LGR5: variants seen among roughly 807,000 people sequenced by gnomAD.
The protein encoded by LGR5 is leucine rich repeat containing G protein-coupled receptor 5, also known as leucine-rich repeat-containing G protein-coupled receptor 5.
Under a neutral mutation model 76.7 loss-of-function variants are expected in LGR5, and 54 were observed. The observed-to-expected ratio is 0.70, with a 90% CI of 0.57 to 0.88. LGR5 has a LOEUF of 0.88. Ranked by LOEUF, LGR5 falls within the 40% of genes least tolerant of loss-of-function variation. The pLI, the probability that LGR5 is intolerant of heterozygous loss-of-function variation, is 0.00. For synonymous variants in LGR5, 406 were observed against 421.9 expected (o/e 0.96, Z 0.46); for missense variants, 1,078 against 1,073.3 (o/e 1.00, Z -0.06).
intron 2 of LGR5, among the ~76,000 whole-genome samples, chr12:71,512,776 T>C (rs763103987): frequency 6.6e-6 from 1 of 152,204 alleles, no homozygotes; most frequent in Non-Finnish European, 1.5e-5. Context: ...GGCAAGAGGA[T>C]GCCCAGTTCT....
intron 5 of LGR5, among the ~76,000 whole-genome samples, chr12:71,553,951 C>G (rs950215596): frequency 6.6e-6 from 1 of 152,030 alleles, no homozygotes; most frequent in African/African-American, 2.4e-5. Flanking sequence ...ATTAGCTGGG[C>G]GTAGTGGCAC....
rs142194515 is a variant in LGR5 at position 71,531,161 on chromosome 12, A to G, written c.357-3954A>G. Among the ~76,000 whole-genome samples, 688 of 152,318 alleles carry G rather than the reference A, an allele frequency of 4.5e-3. 6 individuals carry two copies. Among genetic ancestry groups the G allele is most frequent in the African/African-American group, 0.016 (649 of 41,568 alleles). Reference sequence around the variant, plus strand: ...GAAAGTATTCCATTTGCTTTTCCTAATCATATGTGAATGATAAAAATGAAG... The same window carrying G: ...GAAAGTATTCCATTTGCTTTTCCTAGTCATATGTGAATGATAAAAATGAAG... On this transcript the variant is annotated intron_variant, in intron 3 of 17. Transcript: ENST00000266674.
intron 4 of LGR5, among the ~76,000 whole-genome samples, chr12:71,544,016 A>G (rs1053879933): frequency 7.2e-5 from 11 of 152,354 alleles, no homozygotes; most frequent in Non-Finnish European, 1.3e-4. Flanking sequence ...TCCTTGCTAC[A>G]GTATTCACAG....
chr12:71,440,143 G>T lies in LGR5; in HGVS notation c.63G>T (p.Gly21=). 1 of 1,610,028 alleles carries T rather than the reference G, an allele frequency of 6.2e-7. No individual in the cohort carries two copies. Among genetic ancestry groups the T allele is most frequent in the Non-Finnish European group, 8.5e-7 (1 of 1,179,782 alleles). ...CTGTGCTGCTGCAGCTGGCGACCGG[G>T]GGCAGCTCTCCCAGGTCTGGTGTGT... The part of the protein sequence containing the change: ...SLPVLLQLAT[G]GSSPRSGVLL... Residue 21 remains glycine, a synonymous_variant, in exon 1 of 18, where the codon GGG becomes GGT. Transcript: ENST00000266674. The surrounding 1 kb of genome is among the most constrained non-coding windows in gnomAD (Gnocchi z 5.3).
intron 1 of LGR5, among the ~76,000 whole-genome samples, chr12:71,474,866 G>A (rs1592471015): frequency 6.6e-6 from 1 of 152,216 alleles, no homozygotes; most frequent in Admixed American, 6.5e-5. Context: ...TCATAGCATA[G>A]AGTTACTTTA....
At chr12:71,460,657 C>T (rs1376332827) in intron 1 of LGR5, among the ~76,000 whole-genome samples, 6 of 152,134 alleles carry the variant, frequency 3.9e-5, no homozygotes, top group Admixed American at 1.3e-4. Context: ...AACCCACAGA[C>T]ATTACGTGTC....
intron 1 of LGR5, among the ~76,000 whole-genome samples, chr12:71,502,657 A>G (rs541364347): frequency 4.6e-5 from 7 of 152,184 alleles, no homozygotes; most frequent in Non-Finnish European, 8.8e-5. Flanking sequence ...GCTAATAAAT[A>G]GGAAAGTCTA....
At chr12:71,568,618 C>A (rs1685244974) in intron 11 of LGR5, among the ~76,000 whole-genome samples, 1 of 152,182 alleles carries the variant, frequency 6.6e-6, no homozygotes, top group African/African-American at 2.4e-5. Flanking sequence ...CCCAATGACC[C>A]TGCAAAATGG....
chr12:71,546,639 T>C (rs574735243), intron 4 of LGR5, among the ~76,000 whole-genome samples: 2 of 152,178 alleles, frequency 1.3e-5, no homozygotes, highest in South Asian at 4.2e-4. Context: ...CACTGATCTT[T>C]CTCACCCTGA....
rs1879292319 is a variant in LGR5 at position 71,585,751 on chromosome 12, A to T, written c.*1017A>T. ...CAATATCTGACACCACTTTGGACTC[A>T]AGAGACTCAGTAACGTATTATCCTG... On this transcript the variant is annotated 3_prime_UTR_variant, in exon 18 of 18. Transcript: ENST00000266674. The T allele has an allele frequency of 6.6e-6, 1 of 152,216 alleles. No individual in the cohort carries two copies. Among genetic ancestry groups the T allele is most frequent in the Non-Finnish European group, 1.5e-5 (1 of 68,034 alleles). 9.4% of individuals were successfully genotyped at this position (152,216 alleles called of 1,614,324 possible). A position where few individuals can be genotyped will look rare whatever the true frequency, so the allele number is the denominator to read the frequency against.
At chr12:71,558,730 A>G (rs1877905247) in intron 6 of LGR5, among the ~76,000 whole-genome samples, 1 of 152,218 alleles carries the variant, frequency 6.6e-6, no homozygotes, top group East Asian at 1.9e-4. Context: ...TGCCTGACGA[A>G]AAGGTTTTTC....
chr12:71,520,417 T>C (rs1261427314), intron 2 of LGR5, among the ~76,000 whole-genome samples: 1 of 152,118 alleles, frequency 6.6e-6, no homozygotes, highest in Admixed American at 6.6e-5. Flanking sequence ...TGGAGGGATA[T>C]TGCTAATCAG....
chr12:71,509,364 C>T (rs947817907), intron 2 of LGR5, among the ~76,000 whole-genome samples: 3 of 151,962 alleles, frequency 2.0e-5, no homozygotes, highest in African/African-American at 7.3e-5. Context: ...TTTTCATGAG[C>T]CTGATTTTGC....
At chr12:71,551,092 T>C (rs547892315) in intron 4 of LGR5, among the ~76,000 whole-genome samples, 1 of 152,376 alleles carries the variant, frequency 6.6e-6, no homozygotes, top group South Asian at 2.1e-4. Flanking sequence ...ACAATGATAG[T>C]TGTTCTATTG....
At chr12:71,447,889 G>A (rs749664721) in intron 1 of LGR5, among the ~76,000 whole-genome samples, 51 of 152,180 alleles carry the variant, frequency 3.4e-4, no homozygotes, top group Non-Finnish European at 6.5e-4. Context: ...CTGAGAACGC[G>A]TGCATGGAGC....
At position 71,503,057 on chromosome 12, in the gene LGR5, AAGT is replaced by A. The variant is rs1307083191; in HGVS notation, c.213-1554_213-1552del. ...AACCACCTTGATCCTTTTAGGAAATAAGTAGGATATCAAATTTTAAAAAGTGAA... is the reference window on the plus strand; with the variant it reads ...AACCACCTTGATCCTTTTAGGAAATAAGGATATCAAATTTTAAAAAGTGAA... On this transcript the variant is annotated intron_variant, in intron 1 of 17. Coordinates refer to ENST00000266674, the MANE Select transcript of LGR5 (RefSeq NM_003667.4). 2.0e-5 allele frequency among the ~76,000 whole-genome samples: 3 copies of A among 152,166 alleles called. No individual in the cohort carries two copies. In the East Asian group the frequency reaches 5.8e-4, roughly 29 times the overall value.
At chr12:71,490,876 C>T (rs1874038464) in intron 1 of LGR5, among the ~76,000 whole-genome samples, 1 of 152,138 alleles carries the variant, frequency 6.6e-6, no homozygotes, top group African/African-American at 2.4e-5. Context: ...ATTACCTTCC[C>T]ATAGCAAAGA....
intron 2 of LGR5, among the ~76,000 whole-genome samples, chr12:71,514,507 G>A (rs6582040): frequency 0.88 from 132,999 of 150,650 alleles, 58,819 homozygotes; most frequent in East Asian, 0.97. Context: ...GGCGGAGCTT[G>A]CAGTGAGCCC....
At chr12:71,455,207 C>T (rs973623997) in intron 1 of LGR5, among the ~76,000 whole-genome samples, 5 of 152,164 alleles carry the variant, frequency 3.3e-5, no homozygotes. Context: ...AGTTTGAGAA[C>T]CACTGATCTG....
Sources: gnomAD v4.1 joint callset for allele counts (sites outside exome capture counted in the v4.1 genomes callset) on GRCh38, gnomAD v4.1.1 for gene constraint, Gnocchi (gnomAD v3.1) non-coding constraint, MANE v1.5 for transcripts, NCBI Gene and HGNC (gene_info 2026-07-23, HGNC 2026-07-21) for gene names.